MACF1: variants seen among roughly 807,000 people sequenced by gnomAD.
The protein encoded by MACF1 is microtubule actin crosslinking factor 1.
A neutral mutation model predicts 854.8 loss-of-function variants in MACF1; 193 were observed. The ratio of observed to expected loss-of-function variants is 0.23; its 90% CI spans 0.20 to 0.25. The LOEUF is 0.25. Among genes scored for constraint, MACF1 ranks in the 10% least tolerant of loss-of-function variants. The pLI is 1.00. For synonymous variants in MACF1, 3,185 were observed against 3,226.7 expected (o/e 0.99, Z 0.44); for missense variants, 7,722 against 8,929.1 (o/e 0.86, Z 5.45).
At chr1:39,414,457 G>C (rs764269064) in intron 58 of MACF1, 1 of 1,613,890 alleles carries the variant, frequency 6.2e-7, no homozygotes, top group Non-Finnish European at 8.5e-7. Flanking sequence ...GGCTGCAACC[G>C]CTGGATTAAA....
intron 2 of MACF1, among the ~76,000 whole-genome samples, chr1:39,194,203 A>C (rs1644288897): frequency 6.6e-6 from 1 of 152,002 alleles, no homozygotes; most frequent in Admixed American, 6.6e-5. Context: ...CTTTAGTGTT[A>C]CTTTCCCTTT....
intron 58 of MACF1, chr1:39,412,631 T>G: frequency 6.2e-7 from 1 of 1,614,022 alleles, no homozygotes; most frequent in South Asian, 1.1e-5. Context: ...GAGCTGAATG[T>G]GGCATCATCA....
chr1:39,110,946 G>A (rs960410729), intron 2 of MACF1, among the ~76,000 whole-genome samples: 6 of 152,174 alleles, frequency 3.9e-5, no homozygotes, highest in Admixed American at 1.3e-4. Context: ...AACAATTATA[G>A]ATTGTAAGGA....
At chr1:39,315,238 A>T (rs909331668) in intron 26 of MACF1, among the ~76,000 whole-genome samples, 1 of 151,894 alleles carries the variant, frequency 6.6e-6, no homozygotes, top group African/African-American at 2.4e-5. Context: ...CCCTTCTTTT[A>T]TATACAAAAT....
At chr1:39,407,334 A>T (rs1642752083) in intron 58 of MACF1, among the ~76,000 whole-genome samples, 1 of 152,192 alleles carries the variant, frequency 6.6e-6, no homozygotes, top group Non-Finnish European at 1.5e-5. Flanking sequence ...AACTTTCTCT[A>T]GGTCAGACAT....
At position 39,447,906 on chromosome 1, in the gene MACF1, G is replaced by A. The variant is rs1570116453; in HGVS notation, c.19968+8G>A. On this transcript the variant is annotated splice_region_variant and intron_variant, in intron 82 of 100. Coordinates refer to ENST00000564288, the MANE Select transcript of MACF1 (RefSeq NM_001394062.1). ...AGGAAGCGGGCAAAACAAGTAAGTT[G>A]GGGAAGAAAGATACTAATTCACTGA... is the stretch of plus-strand genomic sequence containing the variant. The A allele has an allele frequency of 6.2e-7, 1 of 1,613,770 alleles. No homozygotes were observed. Among genetic ancestry groups the A allele is most frequent in the East Asian group, 2.2e-5 (1 of 44,868 alleles).
intron 2 of MACF1, among the ~76,000 whole-genome samples, chr1:39,231,878 G>C (rs1644781609): frequency 6.6e-6 from 1 of 151,664 alleles, no homozygotes; most frequent in African/African-American, 2.4e-5. Context: ...ACTATGGAAG[G>C]ATGATAGAGG....
At chr1:39,397,814 G>T (rs1009677028) in intron 58 of MACF1, among the ~76,000 whole-genome samples, 1 of 152,128 alleles carries the variant, frequency 6.6e-6, no homozygotes, top group African/African-American at 2.4e-5. Flanking sequence ...AAAATCTTCA[G>T]TTGAACCATT....
rs1050488348 is a variant in MACF1, at chr1:39,409,576, T to G, written c.15817-12798T>G. ...GCGCGGGGCTCCGCTCGCCTTGTTT[T>G]GCAGCTACAGCGCAGGGTTGGCCTG... is the stretch of plus-strand genomic sequence containing the variant. On this transcript the variant is annotated intron_variant, in intron 58 of 100. Transcript: ENST00000564288. This position sits in a 1 kb window ranked among gnomAD's most constrained non-coding sequence, Gnocchi z 4.2. The G allele has an allele frequency of 1.3e-5, 2 of 152,318 alleles. No homozygotes were observed. The highest frequency in any genetic ancestry group is 2.4e-5 in the African/African-American group (1 of 41,468). The allele number at this position is 152,318 out of a possible 1,614,324, so 9.4% of individuals were successfully genotyped here.
chr1:39,162,571 CA>C (rs1346761226), intron 2 of MACF1, among the ~76,000 whole-genome samples: 1 of 152,106 alleles, frequency 6.6e-6, no homozygotes, highest in Non-Finnish European at 1.5e-5. Context: ...GCACTTTAAA[CA>C]TACTTGTTTT....
In MACF1 at chr1:39,332,307, G is replaced by A; in HGVS notation, c.5719G>A (p.Gly1907Ser). 6.2e-7 allele frequency: 1 copy of A among 1,613,902 alleles called. No individual in the cohort carries two copies. Among genetic ancestry groups the A allele is most frequent in the South Asian group, 1.1e-5 (1 of 91,066 alleles). ...ILSWKKAIES[G>S]ILDRDLANNL... ...GTCCTGGAAGAAAGCAATAGAAAGT[G>A]GTATCCTGGATAGAGATCTTGCCAA... Residue 1907 changes from glycine to serine, a missense_variant, in exon 37 of 101, where the codon GGT (glycine) becomes AGT (serine). Gly to Ser is a moderately conservative substitution (Grantham distance 56, BLOSUM62 0). Transcript: ENST00000564288.
rs754819097 is a variant in MACF1 at position 39,316,519 on chromosome 1, C to G, written c.3578C>G (p.Ser1193Trp). The G allele has an allele frequency of 6.2e-7, 1 of 1,612,924 alleles. No homozygotes were observed. The highest frequency in any genetic ancestry group is 8.5e-7 in the Non-Finnish European group (1 of 1,179,334). The change falls in exon 28 of 101, where the codon TCG (serine) becomes TGG (tryptophan). Residue 1193 changes from serine to tryptophan, a missense_variant. Coordinates refer to ENST00000564288, the MANE Select transcript of MACF1 (RefSeq NM_001394062.1). The part of the protein sequence containing the change: ...ADLSALEAHW[S>W]TLRHWLSDVK... ...CTCTCAGCTCTGGAGGCCCATTGGTCGACATTACGGGTGAGTTGCTCTGAG... is the reference window on the plus strand; with the variant it reads ...CTCTCAGCTCTGGAGGCCCATTGGTGGACATTACGGGTGAGTTGCTCTGAG...
At chr1:39,281,326 AG>A (rs1645539908) in intron 6 of MACF1, among the ~76,000 whole-genome samples, 1 of 152,160 alleles carries the variant, frequency 6.6e-6, no homozygotes, top group African/African-American at 2.4e-5. Context: ...TTGCATACAT[AG>A]GTGCGTGTGT....
intron 40 of MACF1, among the ~76,000 whole-genome samples, chr1:39,343,356 C>T (rs1296149635): frequency 6.6e-6 from 1 of 152,216 alleles, no homozygotes; most frequent in Non-Finnish European, 1.5e-5. Flanking sequence ...CAACCTTATA[C>T]ACAATCTCAT....
At chr1:39,445,004 A>T (rs901387292) in intron 80 of MACF1, among the ~76,000 whole-genome samples, 169 bp downstream of exon 80, 1 of 151,968 alleles carries the variant, frequency 6.6e-6, no homozygotes, top group African/African-American at 2.4e-5. Context: ...TTCTGTTGTT[A>T]TTTGCTTTTA....
Position 39,254,327 on chromosome 1 carries a change from T to C in MACF1, c.387T>C (p.His129=). ...VPREKGRMRF[H]RLQNVQIALD... ...GGGAGAAGGGCAGGATGCGTTTTCA[T>C]AGGCTGCAGAATGTGCAGATTGCCC... Residue 129 remains histidine (H), a synonymous_variant, in exon 5 of 101, where the codon CAT becomes CAC. Transcript: ENST00000564288. 6.2e-7 allele frequency: 1 copy of C among 1,614,176 alleles called. No individual in the cohort carries two copies.
In MACF1 at chr1:39,334,452, G is replaced by A. The variant is rs772425322; in HGVS notation, c.7864G>A (p.Glu2622Lys). ...PGMMHGIVDP[E>K]NCRIVPYSEL... is the part of the protein sequence containing the mutation. Reference sequence around the variant, plus strand: ...AATGATGCATGGCATTGTAGATCCCGAGAACTGCAGAATTGTCCCCTACTC... The same window carrying A: ...AATGATGCATGGCATTGTAGATCCCAAGAACTGCAGAATTGTCCCCTACTC... Residue 2622 changes from glutamate (E) to lysine (K), a missense_variant, in exon 37 of 101, where the codon GAG becomes AAG. Physicochemically the swap from Glu to Lys is moderately conservative, Grantham distance 56. Transcript: ENST00000564288. 1.2e-5 allele frequency: 20 copies of A among 1,613,936 alleles called. No homozygotes were observed. Among genetic ancestry groups the A allele is most frequent in the Admixed American group, 6.7e-5 (4 of 60,000 alleles).
At chr1:39,318,320 G>A (rs904445049) in intron 29 of MACF1, 133 bp from the exon 30 acceptor site, 30 of 755,166 alleles carry the variant, frequency 4.0e-5, no homozygotes, top group South Asian at 9.2e-5. Context: ...TTGCATCGCT[G>A]TTCCCCGTAG....
At position 39,335,149 on chromosome 1, in the gene MACF1, A is replaced by G; in HGVS notation, c.8561A>G (p.Lys2854Arg). 6.2e-7 allele frequency: 1 copy of G among 1,614,122 alleles called. No homozygotes were observed. Among genetic ancestry groups the G allele is most frequent in the Non-Finnish European group, 8.5e-7 (1 of 1,179,992 alleles). ...GAATTTGGGTGCAAGGATCAACGTA[A>G]GCCAAGAATGTCTTCAGATGCTAAA... ...LKEFGCKDQR[K>R]PRMSSDAKEF... The change falls in exon 37 of 101, where the codon AAG becomes AGG. Residue 2854 changes from lysine to arginine, a missense_variant. By Grantham distance (26) the Lys-to-Arg change is conservative (BLOSUM62 2). This residue lies in a region of MACF1 where 854 missense variants were observed against 852.6 expected (regional missense o/e 1.00). Coordinates refer to ENST00000564288, the MANE Select transcript of MACF1 (RefSeq NM_001394062.1).
Sources: allele counts gnomAD v4.1 joint callset (sites outside exome capture counted in the v4.1 genomes callset), GRCh38; gene constraint gnomAD v4.1.1; regional missense constraint gnomAD v4.1.1; non-coding constraint Gnocchi (gnomAD v3.1); transcripts MANE v1.5; gene names NCBI Gene and HGNC (gene_info 2026-07-23, HGNC 2026-07-21).